The following ROBO2 variants were observed in gnomAD, a reference collection of about 807,000 sequenced individuals.
ROBO2 encodes the protein roundabout homolog 2.
A neutral mutation model predicts 160.8 loss-of-function variants in ROBO2; 53 were observed. That is an observed-to-expected ratio of 0.33 (90% confidence interval 0.26 to 0.41). The LOEUF is 0.41. Ranked by LOEUF, ROBO2 falls within the 10% of genes least tolerant of loss-of-function variation. The probability of loss-of-function intolerance (pLI) is 1.00; values close to 1 mark genes in which losing one functional copy is unlikely to be tolerated. For missense variants in ROBO2, 1,577 were observed against 1,722.4 expected (o/e 0.92, Z 1.49); for synonymous variants, 664 against 611.7 (o/e 1.09, Z -1.26).
At chr3:76,260,020 A>G (rs1450502624) in intron 2 of ROBO2, among the ~76,000 whole-genome samples, 1 of 152,212 alleles carries the variant, frequency 6.6e-6, no homozygotes, top group Non-Finnish European at 1.5e-5. Flanking sequence ...ATCTTTATTG[A>G]TAAAAATAAA....
At chr3:76,070,176 A>T (rs1229772477) in intron 2 of ROBO2, among the ~76,000 whole-genome samples, 2 of 152,244 alleles carry the variant, frequency 1.3e-5, no homozygotes, top group Admixed American at 6.5e-5. Flanking sequence ...AACAACAGAG[A>T]TAACCTTAAA....
At chr3:76,155,657 G>A (rs140911888) in intron 2 of ROBO2, among the ~76,000 whole-genome samples, 26 of 152,264 alleles carry the variant, frequency 1.7e-4, no homozygotes, top group Admixed American at 3.9e-4. Flanking sequence ...TTCTTGACAT[G>A]AGCTGCAGGT....
At chr3:77,459,684 A>T (rs13063705) in intron 2 of ROBO2, among the ~76,000 whole-genome samples, 81,984 of 152,018 alleles carry the variant, frequency 0.54, 22,293 homozygotes, top group African/African-American at 0.6. Context: ...AGAAGTGATA[A>T]GTAAACTGAG....
chr3:77,453,643 A>C (rs1428783366), intron 2 of ROBO2, among the ~76,000 whole-genome samples: 1 of 152,080 alleles, frequency 6.6e-6, no homozygotes, highest in Non-Finnish European at 1.5e-5. Context: ...AAAGTATGTA[A>C]AATTTAGTTA....
chr3:77,620,903 T>C (rs552012102), intron 22 of ROBO2, among the ~76,000 whole-genome samples: 1 of 152,354 alleles, frequency 6.6e-6, no homozygotes, highest in South Asian at 2.1e-4. Context: ...AAATACCTTT[T>C]ATATGAAGGC....
At chr3:77,248,196 A>G (rs1291447662) in intron 2 of ROBO2, among the ~76,000 whole-genome samples, 1 of 152,056 alleles carries the variant, frequency 6.6e-6, no homozygotes, top group Non-Finnish European at 1.5e-5. Context: ...TTCTTGCTCC[A>G]TCCCCTCTTC....
chr3:77,599,058 T>A (rs1228839615), intron 19 of ROBO2, among the ~76,000 whole-genome samples: 4 of 152,116 alleles, frequency 2.6e-5, no homozygotes, highest in African/African-American at 9.7e-5. Context: ...TCTTCCATTT[T>A]CCCTTAATTT....
chr3:77,481,204 G>A (rs188810240), exon 4 of ROBO2: 1 of 1,564,268 alleles, frequency 6.4e-7, no homozygotes, highest in East Asian at 2.3e-5. Context: ...TGACCCAGCA[G>A]AGCTGACTGT....
chr3:76,264,619 GT>G (rs1181849112), intron 2 of ROBO2, among the ~76,000 whole-genome samples: 1 of 152,096 alleles, frequency 6.6e-6, no homozygotes, highest in Non-Finnish European at 1.5e-5. Context: ...CAGATTCATA[GT>G]GGTCAAAAGT....
chr3:77,623,693 G>T (rs1583346468), intron 23 of ROBO2, among the ~76,000 whole-genome samples: 1 of 152,296 alleles, frequency 6.6e-6, no homozygotes, highest in South Asian at 2.1e-4. Flanking sequence ...AATGCAGAGA[G>T]CTGACTTATT....
chr3:76,801,549 A>AAT (rs946518858), intron 2 of ROBO2, among the ~76,000 whole-genome samples: 14 of 151,494 alleles, frequency 9.2e-5, no homozygotes, highest in South Asian at 4.2e-4. Flanking sequence ...TATAAATATA[A>AAT]ATATATATAT....
chr3:76,296,898 A>G (rs1709102976), intron 2 of ROBO2, among the ~76,000 whole-genome samples: 1 of 152,232 alleles, frequency 6.6e-6, no homozygotes, highest in Non-Finnish European at 1.5e-5. Context: ...TTTATATACT[A>G]AAGTTACATT....
chr3:76,357,745 T>C (rs1414828407), intron 2 of ROBO2, among the ~76,000 whole-genome samples: 2 of 151,902 alleles, frequency 1.3e-5, no homozygotes, highest in African/African-American at 4.8e-5. Context: ...GCTACATTAG[T>C]AAGTTGCAGG....
intron 2 of ROBO2, among the ~76,000 whole-genome samples, chr3:77,225,386 AT>A (rs2086357034): frequency 6.6e-6 from 1 of 151,954 alleles, no homozygotes; most frequent in African/African-American, 2.4e-5. Flanking sequence ...GTAATATAGA[AT>A]GATGAAAAAG....
At chr3:76,532,208 C>T (rs2082268330) in intron 2 of ROBO2, among the ~76,000 whole-genome samples, 1 of 152,176 alleles carries the variant, frequency 6.6e-6, no homozygotes, top group Non-Finnish European at 1.5e-5. Flanking sequence ...TAGCTGAATG[C>T]TGAATTCATA....
chr3:76,694,429 A>G (rs958677311), intron 2 of ROBO2, among the ~76,000 whole-genome samples: 3 of 152,296 alleles, frequency 2.0e-5, no homozygotes, highest in Middle Eastern at 6.8e-3. Context: ...TTAAGAGCCC[A>G]AATAAGCCAA....
chr3:77,295,092 A>C (rs1001648174), intron 2 of ROBO2, among the ~76,000 whole-genome samples: 3 of 151,564 alleles, frequency 2.0e-5, no homozygotes, highest in African/African-American at 7.3e-5. Flanking sequence ...ACATAAAGTA[A>C]ATTTGACGGT....
At chr3:76,405,366 T>C (rs2078068688) in intron 2 of ROBO2, among the ~76,000 whole-genome samples, 1 of 151,664 alleles carries the variant, frequency 6.6e-6, no homozygotes, top group African/African-American at 2.4e-5. Context: ...GTTTACTTGA[T>C]GATTTAGTGC....
At chr3:76,791,451 G>GTC (rs869116431) in intron 2 of ROBO2, among the ~76,000 whole-genome samples, 3 of 149,934 alleles carry the variant, frequency 2.0e-5, no homozygotes, top group Admixed American at 6.6e-5. Context: ...CTGCTTTCAT[G>GTC]TCTCTCTCTC....
Sources: gnomAD v4.1 joint callset for allele counts (sites outside exome capture counted in the v4.1 genomes callset) on GRCh38, gnomAD v4.1.1 for gene constraint, MANE v1.5 for transcripts, NCBI Gene and HGNC (gene_info 2026-07-23, HGNC 2026-07-21) for gene names.